Variants in RGS22 observed in about 807,000 individuals in gnomAD.
The protein encoded by RGS22 is regulator of G-protein signaling 22.
In RGS22, 148 loss-of-function variants were observed where a neutral mutation model predicts 172.9. The ratio of observed to expected loss-of-function variants is 0.86; its 90% CI spans 0.75 to 0.98. The LOEUF (loss-of-function observed/expected upper bound fraction) is 0.98. RGS22 is among the 50% of genes least tolerant of loss of function. The pLI is 0.00. For missense variants in RGS22, 1,347 were observed against 1,440.8 expected, an observed-to-expected ratio of 0.93 and a Z score of 1.05; for synonymous variants, 458 against 480.2, an observed-to-expected ratio of 0.95 and a Z score of 0.60.
At chr8:100,045,948 A>G (rs1227895130) in intron 11 of RGS22, among the ~76,000 whole-genome samples, 6 of 151,918 alleles carry the variant, frequency 3.9e-5, no homozygotes, top group African/African-American at 9.7e-5. Flanking sequence ...ACGTCCATCA[A>G]TAGAGTACAA....
intron 6 of RGS22, among the ~76,000 whole-genome samples, chr8:100,067,591 C>A (rs1232801146): frequency 1.3e-5 from 2 of 150,538 alleles, no homozygotes; most frequent in Non-Finnish European, 3.0e-5. Flanking sequence ...CAGACTTTAA[C>A]ATCTTTAACA....
At chr8:100,037,544 C>T (rs988237903) in intron 14 of RGS22, among the ~76,000 whole-genome samples, 1 of 152,130 alleles carries the variant, frequency 6.6e-6, no homozygotes, top group Non-Finnish European at 1.5e-5. Flanking sequence ...GTAACCAAAA[C>T]TGTGTGGTTT....
In RGS22 at chr8:100,051,659, A is replaced by G. The variant is rs1275045666; in HGVS notation, c.1689+1143T>C. ...TTTATATATGTTTATACATATATAA[A>G]TATATATTTATATATGTTTATACAT... is the stretch of plus-strand genomic sequence containing the variant. On this transcript the variant is annotated intron_variant, in intron 10 of 27. Coordinates refer to ENST00000360863, the MANE Select transcript of RGS22 (RefSeq NM_015668.5). 9.4e-4 allele frequency among the ~76,000 whole-genome samples: 37 copies of G among 39,472 alleles called. 8 individuals are homozygous for G. Among genetic ancestry groups the G allele is most frequent in the African/African-American group, 3.9e-3 (37 of 9,608 alleles). The allele number at this position is 39,472 out of a possible 152,430, so 25.9% of individuals were successfully genotyped here. A position where few individuals can be genotyped will look rare whatever the true frequency, so the allele number is the denominator to read the frequency against.
At chr8:100,091,294 CAAAA>C (rs370090165) in intron 3 of RGS22, among the ~76,000 whole-genome samples, 4 of 67,318 alleles carry the variant, frequency 5.9e-5, no homozygotes, top group African/African-American at 1.3e-4. Context: ...AGAGGAACTC[CAAAA>C]AAAAAAAAAA....
chr8:100,061,820 T>G (rs1269195939), intron 9 of RGS22, among the ~76,000 whole-genome samples: 2 of 152,168 alleles, frequency 1.3e-5, no homozygotes, highest in East Asian at 3.8e-4. Context: ...GGAATATAAA[T>G]CATGCTATTA....
At chr8:100,030,618 A>G (rs1036668574) in intron 14 of RGS22, among the ~76,000 whole-genome samples, 4 of 152,248 alleles carry the variant, frequency 2.6e-5, no homozygotes, top group South Asian at 2.1e-4. Flanking sequence ...ATACTCCTCA[A>G]TAATAGCAAT....
intron 3 of RGS22, among the ~76,000 whole-genome samples, chr8:100,083,825 CTTTTCT>C (rs1345506012): frequency 9.0e-4 from 105 of 116,186 alleles, no homozygotes; most frequent in Middle Eastern, 4.5e-3. Context: ...CGCGTAATTT[CTTTTCT>C]TTTTTTTTTT....
chr8:99,974,695 G>A (rs1177468561), intron 23 of RGS22, among the ~76,000 whole-genome samples: 2 of 151,566 alleles, frequency 1.3e-5, no homozygotes, highest in African/African-American at 2.4e-5. Flanking sequence ...CTACTTGGGA[G>A]TCTGAGGCAG....
intron 11 of RGS22, among the ~76,000 whole-genome samples, chr8:100,047,097 G>A (rs1234585382): frequency 6.6e-6 from 1 of 152,096 alleles, no homozygotes; most frequent in Non-Finnish European, 1.5e-5. Flanking sequence ...TTACAGCTCT[G>A]AGCCACCGTG....
intron 3 of RGS22, among the ~76,000 whole-genome samples, chr8:100,090,870 G>A (rs915755377): frequency 6.6e-6 from 1 of 152,094 alleles, no homozygotes; most frequent in African/African-American, 2.4e-5. Flanking sequence ...ATAGGATTCT[G>A]GATTTTATTC....
chr8:100,043,832 G>A (rs1210898101), intron 11 of RGS22, among the ~76,000 whole-genome samples: 1 of 151,620 alleles, frequency 6.6e-6, no homozygotes, highest in Non-Finnish European at 1.5e-5. Flanking sequence ...AAAATCTTTA[G>A]CTAGACTAAC....
At chr8:100,010,808 CTT>C (rs758368137) in intron 14 of RGS22, among the ~76,000 whole-genome samples, 36 of 135,904 alleles carry the variant, frequency 2.6e-4, no homozygotes, top group East Asian at 1.1e-3. Context: ...GAAGATAATT[CTT>C]TTTTTTTTTT....
At chr8:100,099,342 A>T (rs543307736) in intron 2 of RGS22, among the ~76,000 whole-genome samples, 2 of 152,316 alleles carry the variant, frequency 1.3e-5, no homozygotes, top group South Asian at 4.1e-4. Context: ...TTACAACTCA[A>T]TAAACTCATT....
intron 11 of RGS22, 86 bp from the exon 12 acceptor site, chr8:100,042,002 G>T: frequency 1.4e-6 from 1 of 725,232 alleles, no homozygotes; most frequent in Non-Finnish European, 2.4e-6. Flanking sequence ...GGTATACATA[G>T]CACCGAATCT....
chr8:100,019,607 A>T (rs1817382894), intron 14 of RGS22, among the ~76,000 whole-genome samples: 1 of 152,240 alleles, frequency 6.6e-6, no homozygotes, highest in Non-Finnish European at 1.5e-5. Context: ...GTATCACCAG[A>T]TTAACTAAAA....
At chr8:100,004,131 T>C (rs940428589) in intron 16 of RGS22, 33 bp from the exon 17 acceptor site, 7 of 1,548,960 alleles carry the variant, frequency 4.5e-6, no homozygotes, top group Non-Finnish European at 6.1e-6. Flanking sequence ...CAAAAATCTC[T>C]TAAACACAAC....
intron 15 of RGS22, 139 bp downstream of exon 15, chr8:100,008,236 C>T: frequency 1.4e-6 from 1 of 694,896 alleles, no homozygotes; most frequent in Admixed American, 3.0e-5. Flanking sequence ...TGGGTTTTCA[C>T]CACGTTAGCT....
intron 14 of RGS22, among the ~76,000 whole-genome samples, chr8:100,017,845 C>T (rs1303325732): frequency 6.6e-6 from 1 of 152,158 alleles, no homozygotes; most frequent in East Asian, 1.9e-4. Flanking sequence ...CCCAGTTCTT[C>T]CTTTCTAGCC....
intron 23 of RGS22, among the ~76,000 whole-genome samples, chr8:99,966,051 AATG>A (rs1810695911): frequency 6.6e-6 from 1 of 152,226 alleles, no homozygotes; most frequent in South Asian, 2.1e-4. Context: ...AGGTTTGCTG[AATG>A]ATAAAATGAA....
Sources: allele counts gnomAD v4.1 joint callset (sites outside exome capture counted in the v4.1 genomes callset), GRCh38; gene constraint gnomAD v4.1.1; transcripts MANE v1.5; gene names NCBI Gene and HGNC (gene_info 2026-07-23, HGNC 2026-07-21).